The following TMEM243 variants were observed in gnomAD, a reference collection of about 807,000 sequenced individuals.
TMEM243 encodes the protein transmembrane protein 243, also known as MDR1 and mitochondrial taxol resistance associated.
In TMEM243, 20 loss-of-function variants were observed where a neutral mutation model predicts 15.0. The ratio of observed to expected loss-of-function variants is 1.33; its 90% CI spans 0.94 to 1.93. The LOEUF is 1.93. Among genes scored for constraint, TMEM243 ranks in the 30% most tolerant of loss-of-function variants. TMEM243 has a pLI of 0.00. For missense variants in TMEM243, 156 were observed against 142.1 expected (o/e 1.10, Z -0.50); for synonymous variants, 72 against 52.7 (o/e 1.37, Z -1.59).
intron 1 of TMEM243, among the ~76,000 whole-genome samples, chr7:87,211,311 G>A (rs1380820566): frequency 6.6e-6 from 1 of 152,156 alleles, no homozygotes; most frequent in African/African-American, 2.4e-5. Context: ...GAGTTCCTCA[G>A]GCCACTGAAG....
chr7:87,202,301 A>G (rs1190769007), intron 1 of TMEM243, among the ~76,000 whole-genome samples: 2 of 152,186 alleles, frequency 1.3e-5, no homozygotes, highest in African/African-American at 4.8e-5. Flanking sequence ...GATGAAAAGG[A>G]AAGGAAAGAT....
chr7:87,218,537 T>TAC (rs909017233), intron 1 of TMEM243: 2 of 151,978 alleles, frequency 1.3e-5, no homozygotes, highest in East Asian at 1.9e-4. Flanking sequence ...ACACGTGCAT[T>TAC]ACCTTTGGAG....
chr7:87,199,098 C>T (rs774395124), intron 1 of TMEM243, 41 bp from the exon 2 acceptor site: 5 of 1,535,510 alleles, frequency 3.3e-6, no homozygotes, highest in East Asian at 4.5e-5. Context: ...GACTTGGATC[C>T]ATGTTACCTT....
intron 1 of TMEM243, among the ~76,000 whole-genome samples, chr7:87,201,847 T>C (rs955825032): frequency 2.0e-5 from 3 of 152,196 alleles, no homozygotes; most frequent in Non-Finnish European, 2.9e-5. Flanking sequence ...TACCAGAATT[T>C]TAAACCTTGT....
Position 87,219,597 on chromosome 7 carries a change from G to C in TMEM243, c.-94C>G, listed in dbSNP as rs867169581. On this transcript the variant is annotated 5_prime_UTR_variant, in exon 1 of 4. Coordinates refer to ENST00000257637, the MANE Select transcript of TMEM243 (RefSeq NM_024315.4). The stretch of plus-strand genomic sequence containing the variant: ...CCACGACTGCAAGCCTCCTCCTCAC[G>C]GCTCCCGCATAGCCGAACCCGAGTG... 102 of 1,156,472 alleles carry C rather than the reference G, an allele frequency of 8.8e-5. 1 individual carries two copies. The Middle Eastern group carries it at 1.2e-3, about 13-fold the overall frequency. The allele number at this position is 1,156,472 out of a possible 1,614,324, so 71.6% of individuals were successfully genotyped here. A position where few individuals can be genotyped will look rare whatever the true frequency, so the allele number is the denominator to read the frequency against.
intron 1 of TMEM243, among the ~76,000 whole-genome samples, chr7:87,207,697 T>A (rs924516613): frequency 1.6e-4 from 24 of 152,202 alleles, no homozygotes; most frequent in Admixed American, 8.5e-4. Flanking sequence ...TGGAGGAAGA[T>A]TGAGAACTCC....
At position 87,219,300 on chromosome 7, in the gene TMEM243, TTGCAGAACCA is replaced by T. The variant is rs1462526340; in HGVS notation, c.78+116_78+125del. 8 of 833,720 alleles carry T rather than the reference TTGCAGAACCA, an allele frequency of 9.6e-6. No individual in the cohort carries two copies. The South Asian group carries it at 1.0e-4, about 11-fold the overall frequency. The allele number at this position is 833,720 out of a possible 1,614,324, so 51.6% of individuals were successfully genotyped here. A position where few individuals can be genotyped will look rare whatever the true frequency, so the allele number is the denominator to read the frequency against. On this transcript the variant is annotated intron_variant, in intron 1 of 3. Coordinates refer to ENST00000257637, the MANE Select transcript of TMEM243 (RefSeq NM_024315.4). Reference sequence around the variant, plus strand: ...CAAACATCTTGAGAGGGAAGTGGGATTGCAGAACCAGCTTCCTCCCTAAAAGTGCTTTTAG... The same window carrying T: ...CAAACATCTTGAGAGGGAAGTGGGATGCTTCCTCCCTAAAAGTGCTTTTAG...
intron 1 of TMEM243, among the ~76,000 whole-genome samples, chr7:87,199,849 T>G (rs953363373): frequency 1.3e-5 from 2 of 152,170 alleles, no homozygotes; most frequent in African/African-American, 2.4e-5. Context: ...AGGTCACTGG[T>G]TAGAAGTAGT....
Position 87,219,538 on chromosome 7 carries a change from A to T in TMEM243, c.-35T>A. 1 of 1,600,914 alleles carries T rather than the reference A, an allele frequency of 6.2e-7. No homozygotes were observed. The highest frequency in any genetic ancestry group is 8.6e-7 in the Non-Finnish European group (1 of 1,168,244). ...TCTTCACTTTCCCCAAGCCACTTAA[A>T]AGCAAGACAGCATGACCTCCCGAGG... On this transcript the variant is annotated 5_prime_UTR_variant, in exon 1 of 4. Coordinates refer to ENST00000257637, the MANE Select transcript of TMEM243 (RefSeq NM_024315.4).
chr7:87,208,228 G>A (rs2129230019), intron 1 of TMEM243, among the ~76,000 whole-genome samples: 1 of 152,330 alleles, frequency 6.6e-6, no homozygotes, highest in African/African-American at 2.4e-5. Context: ...TCTCATCTGA[G>A]ACAAGTCCAC....
intron 1 of TMEM243, among the ~76,000 whole-genome samples, chr7:87,209,506 GAGAA>G (rs1020237136): frequency 9.2e-5 from 12 of 130,378 alleles, no homozygotes; most frequent in African/African-American, 3.3e-4. Flanking sequence ...GAGAGAGAGT[GAGAA>G]AGACAGTGAG....
In TMEM243 at chr7:87,209,537, A is replaced by AG. The variant is rs1802483343; in HGVS notation, c.78+9888_78+9889insC. ...GACAGTGAGAGAGAGAGTGAGAGAG[A>AG]AAGTGAGAGACAATGAGAGAGACAA... is the stretch of plus-strand genomic sequence containing the variant. On this transcript the variant is annotated intron_variant, in intron 1 of 3. Transcript: ENST00000257637. 3.1e-4 allele frequency among the ~76,000 whole-genome samples: 13 copies of AG among 42,144 alleles called. No homozygotes were observed. In the South Asian group the frequency reaches 5.5e-3, roughly 18 times the overall value. 27.6% of individuals were successfully genotyped at this position (42,144 alleles called of 152,430 possible).
chr7:87,209,859 A>C (rs1393291024), intron 1 of TMEM243, among the ~76,000 whole-genome samples: 5 of 146,014 alleles, frequency 3.4e-5, no homozygotes, highest in African/African-American at 5.1e-5. Flanking sequence ...AGCGAGAGAG[A>C]GAGAGAGCAA....
intron 3 of TMEM243, 102 bp downstream of exon 3, chr7:87,197,839 T>C: frequency 6.3e-7 from 1 of 1,579,082 alleles, no homozygotes; most frequent in Non-Finnish European, 8.6e-7. Context: ...AGGATATAAT[T>C]AAGAGATACC....
intron 1 of TMEM243, among the ~76,000 whole-genome samples, chr7:87,209,663 A>AGAGCGAGACACAGT (rs761699086): frequency 3.4e-4 from 8 of 23,758 alleles, no homozygotes; most frequent in South Asian, 1.8e-3. Flanking sequence ...AGACAGAGCG[A>AGAGCGAGACACAGT]GAGAGAGCGA....
intron 1 of TMEM243, among the ~76,000 whole-genome samples, chr7:87,218,138 T>G (rs761680238): frequency 6.6e-6 from 1 of 152,224 alleles, no homozygotes; most frequent in Non-Finnish European, 1.5e-5. Flanking sequence ...CACATCACAT[T>G]TGTCTACGTT....
intron 2 of TMEM243, chr7:87,198,651 C>G (rs1801559091): frequency 3.3e-6 from 1 of 301,936 alleles, no homozygotes; most frequent in Non-Finnish European, 6.2e-6. Context: ...GTGACCAAAT[C>G]TTTTAAAACT....
At chr7:87,197,016 G>A (rs1253349977) in intron 3 of TMEM243, among the ~76,000 whole-genome samples, 1 of 151,990 alleles carries the variant, frequency 6.6e-6, no homozygotes, top group Non-Finnish European at 1.5e-5. Context: ...CCAGTCATCT[G>A]GCAAGCTATC....
intron 3 of TMEM243, 83 bp downstream of exon 3, chr7:87,197,858 T>C (rs1562875225): frequency 2.5e-6 from 4 of 1,601,414 alleles, no homozygotes; most frequent in Non-Finnish European, 3.4e-6. Context: ...CCCTTTTGTA[T>C]AGACCCAAGG....
Sources: allele counts gnomAD v4.1 joint callset (sites outside exome capture counted in the v4.1 genomes callset), GRCh38; gene constraint gnomAD v4.1.1; transcripts MANE v1.5; gene names NCBI Gene and HGNC (gene_info 2026-07-23, HGNC 2026-07-21).